DNAH17: variants seen among roughly 807,000 people sequenced by gnomAD.
The protein encoded by DNAH17 is dynein axonemal heavy chain 17.
Under a neutral mutation model 485.6 loss-of-function variants are expected in DNAH17, and 376 were observed. The ratio of observed to expected loss-of-function variants is 0.77; its 90% CI spans 0.71 to 0.84. The LOEUF (loss-of-function observed/expected upper bound fraction) is 0.84, where lower values mean the gene tolerates loss of function less well. DNAH17 is among the 40% of genes least tolerant of loss of function. DNAH17 has a pLI of 0.00. For synonymous variants in DNAH17, 3,031 were observed against 2,405.9 expected (o/e 1.26, Z -7.60); for missense variants, 6,370 against 5,839.3 (o/e 1.09, Z -2.96).
intron 25 of DNAH17, among the ~76,000 whole-genome samples, chr17:78,524,732 G>T (rs1454864310): frequency 6.6e-6 from 1 of 152,134 alleles, no homozygotes; most frequent in East Asian, 1.9e-4. Context: ...GAGAGAGAAT[G>T]AGAGGAGGAG....
intron 14 of DNAH17, among the ~76,000 whole-genome samples, chr17:78,555,804 C>T (rs1420268382): frequency 1.3e-5 from 2 of 152,186 alleles, no homozygotes; most frequent in Non-Finnish European, 2.9e-5. Context: ...GGGTGGGTCT[C>T]ATCCAACCGT....
chr17:78,529,248 A>G (rs985176396), intron 22 of DNAH17, among the ~76,000 whole-genome samples: 2 of 151,988 alleles, frequency 1.3e-5, no homozygotes, highest in Non-Finnish European at 2.9e-5. Context: ...CAAAACACCA[A>G]TGGAACGGAG....
rs555224934 is a variant in DNAH17, at chr17:78,558,599, A to G, written c.2032-345T>C. On this transcript the variant is annotated intron_variant, in intron 13 of 80. Coordinates refer to ENST00000389840, the MANE Select transcript of DNAH17 (RefSeq NM_173628.4). ...ACCACGGGTGGGTGACATTATCCTT[A>G]TGGGTGGATGATGTCATCATTGTAG... Among the ~76,000 whole-genome samples the G allele has an allele frequency of 1.3e-5, 2 of 151,810 alleles. 1 individual carries two copies. The highest frequency in any genetic ancestry group is 4.1e-4 in the South Asian group (2 of 4,820).
In DNAH17 at chr17:78,486,212, C is replaced by G. The variant is rs769635858; in HGVS notation, c.7101+12G>C. 6.3e-7 allele frequency: 1 copy of G among 1,587,056 alleles called. No homozygotes were observed. Among genetic ancestry groups the G allele is most frequent in the Non-Finnish European group, 8.6e-7 (1 of 1,164,764 alleles). ...ACCCTGTGTGGGTGGCCGGGCCCCCCAGGTGCATCACCTGGTCCTGGAACA... is the reference window on the plus strand; with the variant it reads ...ACCCTGTGTGGGTGGCCGGGCCCCCGAGGTGCATCACCTGGTCCTGGAACA... On this transcript the variant is annotated intron_variant, in intron 45 of 80. Coordinates refer to ENST00000389840, the MANE Select transcript of DNAH17 (RefSeq NM_173628.4).
intron 76 of DNAH17, 40 bp downstream of exon 76, chr17:78,429,081 C>G (rs746051771): frequency 1.8e-5 from 28 of 1,592,802 alleles, no homozygotes; most frequent in Admixed American, 8.4e-5. Context: ...AGGCACGAGC[C>G]TTCATTACGT....
rs777646635 is a variant in DNAH17, at chr17:78,494,768, C to T, written c.6095G>A (p.Gly2032Asp). 1 of 1,613,304 alleles carries T rather than the reference C, an allele frequency of 6.2e-7. No individual in the cohort carries two copies. The change falls in exon 40 of 81, where the codon GGC (glycine) becomes GAC (aspartate). Residue 2032 changes from glycine to aspartate, a missense_variant. Gly to Asp is a moderately conservative substitution (Grantham distance 94, BLOSUM62 -1). Transcript: ENST00000389840. ...RAIKSVLVVA[G>D]SLKRGDPSRA... ...GCTGGGGTCGCCCCTCTTCAGGGAG[C>T]CGGCCACCACCAGCACAGACTTGAT...
At chr17:78,506,948 C>T (rs2090501785) in intron 29 of DNAH17, 102 bp from the exon 30 acceptor site, 16 of 1,492,488 alleles carry the variant, frequency 1.1e-5, no homozygotes, top group South Asian at 3.6e-5. Context: ...CTGGAGATGC[C>T]TGGACTGCTG....
chr17:78,454,760 A>G, intron 63 of DNAH17, 55 bp from the exon 64 acceptor site: 2 of 1,449,350 alleles, frequency 1.4e-6, no homozygotes, highest in Non-Finnish European at 1.9e-6. Context: ...ATTACTTACT[A>G]GAAAATAGCT....
chr17:78,492,206 G>A (rs917985467), intron 42 of DNAH17, among the ~76,000 whole-genome samples: 10 of 152,070 alleles, frequency 6.6e-5, no homozygotes, highest in East Asian at 1.9e-4. Context: ...TCCAACGTCC[G>A]GAGTTCCTTT....
chr17:78,531,425 G>A (rs188886763), intron 20 of DNAH17, among the ~76,000 whole-genome samples: 6 of 142,180 alleles, frequency 4.2e-5, no homozygotes, highest in Non-Finnish European at 6.0e-5. Flanking sequence ...TGCAAGCTCC[G>A]CCTCCTGGGT....
intron 64 of DNAH17, among the ~76,000 whole-genome samples, chr17:78,453,790 T>A (rs929588759): frequency 3.3e-5 from 5 of 152,204 alleles, no homozygotes; most frequent in South Asian, 2.1e-4. Flanking sequence ...CAGGCTCAAG[T>A]GATCCTCCCA....
chr17:78,471,326 A>AGCAGGTGGGCAGCAGGTGGGCC (rs2088738557), intron 54 of DNAH17, among the ~76,000 whole-genome samples: 1 of 148,602 alleles, frequency 6.7e-6, no homozygotes, highest in African/African-American at 2.6e-5. Context: ...AGCCTGGAAA[A>AGCAGGTGGGCAGCAGGTGGGCC]GCAGGTGGGC....
Position 78,494,506 on chromosome 17 carries a change from C to A in DNAH17, c.6270+87G>T, listed in dbSNP as rs1010307831. ...CATCGGGAAACGTGCGTGTGTGACA[C>A]GGGTCTCCACCCGTCCAACATCAGT... is the stretch of plus-strand genomic sequence containing the variant. On this transcript the variant is annotated intron_variant, in intron 40 of 80. Coordinates refer to ENST00000389840, the MANE Select transcript of DNAH17 (RefSeq NM_173628.4). 3.6e-6 allele frequency: 5 copies of A among 1,405,466 alleles called. No individual in the cohort carries two copies. The African/African-American group carries it at 5.7e-5, about 16-fold the overall frequency. 87.1% of individuals were successfully genotyped at this position (1,405,466 alleles called of 1,614,324 possible). A position where few individuals can be genotyped will look rare whatever the true frequency, so the allele number is the denominator to read the frequency against.
Position 78,461,709 on chromosome 17 carries a change from CT to C in DNAH17, c.9175-2del. On this transcript the variant is annotated splice_acceptor_variant, in intron 57 of 80. Coordinates refer to ENST00000389840, the MANE Select transcript of DNAH17 (RefSeq NM_173628.4). LOFTEE classifies it high-confidence loss of function. ...CCAACTTGGCTTTCAAATCATCCAC[CT>C]GGGGAAGGAGAAACCGAGAAACAGC... The C allele has an allele frequency of 6.2e-7, 1 of 1,609,200 alleles. No individual in the cohort carries two copies. Among genetic ancestry groups the C allele is most frequent in the Non-Finnish European group, 8.5e-7 (1 of 1,177,972 alleles).
At position 78,491,505 on chromosome 17, in the gene DNAH17, G is replaced by A; in HGVS notation, c.6607C>T (p.Leu2203Phe). The A allele has an allele frequency of 6.2e-7, 1 of 1,613,858 alleles. No homozygotes were observed. Among genetic ancestry groups the A allele is most frequent in the Non-Finnish European group, 8.5e-7 (1 of 1,179,912 alleles). Reference protein sequence around the residue: ...ITHDGPKWIILDGDIDPMWIE... With the variant: ...ITHDGPKWIIFDGDIDPMWIE... ...CACATGGGGTCTATGTCTCCGTCAA[G>A]GATGATCCACTTGGGGCCGTCATGG... Residue 2203 changes from leucine (L) to phenylalanine (F), a missense_variant, in exon 43 of 81, where the codon CTT becomes TTT. Transcript: ENST00000389840.
At chr17:78,452,714 G>C (rs2087606532) in intron 65 of DNAH17, among the ~76,000 whole-genome samples, 1 of 152,248 alleles carries the variant, frequency 6.6e-6, no homozygotes, top group African/African-American at 2.4e-5. Context: ...CTCCAGCCTG[G>C]ACGACAGAGC....
chr17:78,433,823 A>G (rs564280890), intron 75 of DNAH17, among the ~76,000 whole-genome samples: 21 of 152,210 alleles, frequency 1.4e-4, no homozygotes, highest in African/African-American at 5.1e-4. Flanking sequence ...AGCAGGCTGG[A>G]GAGATCACAG....
chr17:78,452,530 G>A (rs1388561918), intron 65 of DNAH17, among the ~76,000 whole-genome samples: 2 of 152,168 alleles, frequency 1.3e-5, no homozygotes, highest in Non-Finnish European at 2.9e-5. Context: ...CTGAGGTCAG[G>A]AGTTCGAGAT....
intron 63 of DNAH17, among the ~76,000 whole-genome samples, 182 bp from the exon 64 acceptor site, chr17:78,454,887 G>A (rs919735890): frequency 6.6e-6 from 1 of 151,940 alleles, no homozygotes; most frequent in African/African-American, 2.4e-5. Flanking sequence ...GGCCAGAAAC[G>A]ATGTCAGCAC....
Sources: allele counts gnomAD v4.1 joint callset (sites outside exome capture counted in the v4.1 genomes callset), GRCh38; gene constraint gnomAD v4.1.1; transcripts MANE v1.5; gene names NCBI Gene and HGNC (gene_info 2026-07-23, HGNC 2026-07-21).